STK11: variants seen among roughly 807,000 people sequenced by gnomAD.
The protein encoded by STK11 is serine/threonine kinase 11.
In STK11, 8 loss-of-function variants were observed where a neutral mutation model predicts 47.3. The observed-to-expected ratio is 0.17, with a 90% CI of 0.10 to 0.31. STK11 has a LOEUF of 0.31. STK11 is among the 10% of genes least tolerant of loss of function. STK11 has a pLI of 1.00. For synonymous variants in STK11, 330 were observed against 255.8 expected (o/e 1.29, Z -2.77); for missense variants, 475 against 605.0 (o/e 0.79, Z 2.25).
chr19:1,227,394 C>T (rs1357474339), intron 9 of STK11, 199 bp from the exon 10 acceptor site: 6 of 398,850 alleles, frequency 1.5e-5, no homozygotes, highest in East Asian at 1.3e-4. Context: ...CGTCAGAGCC[C>T]GCCAGGCCCC....
Position 1,220,361 on chromosome 19 carries a change from T to C in STK11, c.465-12T>C, listed in dbSNP as rs2145424063. 1 of 1,594,938 alleles carries C rather than the reference T, an allele frequency of 6.3e-7. No individual in the cohort carries two copies. The highest frequency in any genetic ancestry group is 8.5e-7 in the Non-Finnish European group (1 of 1,171,232). On this transcript the variant is annotated splice_polypyrimidine_tract_variant and intron_variant, in intron 3 of 9. Transcript: ENST00000326873. ...AGGCCTCGGCCCCAGGACGGGTGTGTGCTGCCCGCAGGTACTTCTGTCAGC... is the reference window on the plus strand; with the variant it reads ...AGGCCTCGGCCCCAGGACGGGTGTGCGCTGCCCGCAGGTACTTCTGTCAGC...
intron 8 of STK11, chr19:1,223,625 CCTT>C (rs1296123373): frequency 1.2e-5 from 13 of 1,069,240 alleles, no homozygotes; most frequent in African/African-American, 1.2e-4. Flanking sequence ...TGCCGGCCGC[CCTT>C]CTTCCCTAGG....
At chr19:1,222,382 G>A (rs541041053) in intron 7 of STK11, among the ~76,000 whole-genome samples, 1 of 152,274 alleles carries the variant, frequency 6.6e-6, no homozygotes, top group East Asian at 1.9e-4. Flanking sequence ...CCAGCTCCAT[G>A]ACAGGGAAGA....
At chr19:1,220,801 G>C (rs1186746279) in intron 5 of STK11, 84 bp downstream of exon 5, 2 of 1,518,764 alleles carry the variant, frequency 1.3e-6, no homozygotes, top group Admixed American at 4.1e-5. Flanking sequence ...GCCTGTGGGC[G>C]CAGGGCGTGG....
At position 1,228,128 on chromosome 19, in the gene STK11, G is replaced by C; in HGVS notation, c.*552G>C. ...CTGTGAGGGGTGTTTGGGAGCTGCT[G>C]GGTGGCAGGGGGGCTGTGGGGTCGG... On this transcript the variant is annotated 3_prime_UTR_variant, in exon 10 of 10. Coordinates refer to ENST00000326873, the MANE Select transcript of STK11 (RefSeq NM_000455.5). 1 of 1,065,436 alleles carries C rather than the reference G, an allele frequency of 9.4e-7. No individual in the cohort carries two copies. The highest frequency in any genetic ancestry group is 1.1e-6 in the Non-Finnish European group (1 of 879,264). 66.0% of individuals were successfully genotyped at this position (1,065,436 alleles called of 1,614,324 possible).
rs981506999 is a variant in STK11, at chr19:1,225,087, G to T, written c.1109-1367G>T. Reference sequence around the variant, plus strand: ...GCCAACACCCAGATCCCAGGGAAGGGGCTTGGGCTAGATCCTGGGCACCAG... The same window carrying T: ...GCCAACACCCAGATCCCAGGGAAGGTGCTTGGGCTAGATCCTGGGCACCAG... On this transcript the variant is annotated intron_variant, in intron 8 of 9. Transcript: ENST00000326873. 29 of 986,004 alleles carry T rather than the reference G, an allele frequency of 2.9e-5. No individual in the cohort carries two copies. In the African/African-American group the frequency reaches 4.9e-4, roughly 17 times the overall value. The allele number at this position is 986,004 out of a possible 1,614,324, so 61.1% of individuals were successfully genotyped here.
At position 1,227,727 on chromosome 19, in the gene STK11, G is replaced by C; in HGVS notation, c.*151G>C. 1 of 1,071,496 alleles carries C rather than the reference G, an allele frequency of 9.3e-7. No homozygotes were observed. The highest frequency in any genetic ancestry group is 1.6e-5 in the African/African-American group (1 of 61,224). The allele number at this position is 1,071,496 out of a possible 1,614,324, so 66.4% of individuals were successfully genotyped here. A position where few individuals can be genotyped will look rare whatever the true frequency, so the allele number is the denominator to read the frequency against. The stretch of plus-strand genomic sequence containing the variant: ...CCAGGACCTCCGGAGCGCCCTGCAG[G>C]GCCGGGCAGGGGGACAGCAGGGACC... On this transcript the variant is annotated 3_prime_UTR_variant, in exon 10 of 10. Coordinates refer to ENST00000326873, the MANE Select transcript of STK11 (RefSeq NM_000455.5).
In STK11 at chr19:1,226,699, G is replaced by A. The variant is rs887494844; in HGVS notation, c.*16+36G>A. ...GCGGGGCCCGGGTGGGGCATGTGGGGACAACGCCTGGATGCCACAGCCAGC... is the reference window on the plus strand; with the variant it reads ...GCGGGGCCCGGGTGGGGCATGTGGGAACAACGCCTGGATGCCACAGCCAGC... On this transcript the variant is annotated intron_variant, in intron 9 of 9. Transcript: ENST00000326873. The A allele has an allele frequency of 1.4e-5, 20 of 1,457,724 alleles. 2 individuals are homozygous for A. Among genetic ancestry groups the A allele is most frequent in the East Asian group, 7.5e-5 (3 of 39,738 alleles). The allele number at this position is 1,457,724 out of a possible 1,614,324, so 90.3% of individuals were successfully genotyped here.
intron 1 of STK11, among the ~76,000 whole-genome samples, chr19:1,210,944 C>G (rs574427715): frequency 1.4e-3 from 206 of 152,256 alleles, no homozygotes; most frequent in Middle Eastern, 6.8e-3. Context: ...GGTTTGATCA[C>G]AAGGTCAGAA....
intron 5 of STK11, 121 bp downstream of exon 5, chr19:1,220,838 C>G: frequency 2.8e-6 from 4 of 1,420,236 alleles, no homozygotes; most frequent in Non-Finnish European, 3.8e-6. Flanking sequence ...TCTCTGGCCA[C>G]AGCCGCTAGG....
chr19:1,226,744 A>T, intron 9 of STK11, 81 bp downstream of exon 9: 1 of 1,405,016 alleles, frequency 7.1e-7, no homozygotes, highest in Non-Finnish European at 9.3e-7. Context: ...AGCCCGCGCT[A>T]GTCAGTCATG....
At position 1,226,686 on chromosome 19, in the gene STK11, TG is replaced by T; in HGVS notation, c.*16+27del. 6.8e-7 allele frequency: 1 copy of T among 1,466,940 alleles called. No individual in the cohort carries two copies. Among genetic ancestry groups the T allele is most frequent in the Non-Finnish European group, 9.0e-7 (1 of 1,115,434 alleles). 90.9% of individuals were successfully genotyped at this position (1,466,940 alleles called of 1,614,324 possible). A position where few individuals can be genotyped will look rare whatever the true frequency, so the allele number is the denominator to read the frequency against. ...CAGGTGGGGCGCGGCGGGGCCCGGG[TG>T]GGGCATGTGGGGACAACGCCTGGAT... On this transcript the variant is annotated intron_variant, in intron 9 of 9. Transcript: ENST00000326873.
Position 1,206,232 on chromosome 19 carries a change from C to T in STK11, c.-682C>T, listed in dbSNP as rs966757526. 5 of 191,666 alleles carry T rather than the reference C, an allele frequency of 2.6e-5. No individual in the cohort carries two copies. The highest frequency in any genetic ancestry group is 6.2e-5 in the Admixed American group (1 of 16,254). The allele number at this position is 191,666 out of a possible 1,614,324, so 11.9% of individuals were successfully genotyped here. On this transcript the variant is annotated 5_prime_UTR_variant, in exon 1 of 10. Transcript: ENST00000326873. ...CTCGCGGGCGCCGGGCAGCGACCAG[C>T]CCTGAGCGGAGCTGTTGGCCGCGGC...
intron 3 of STK11, chr19:1,220,005 A>G (rs35369365): frequency 0.17 from 40,115 of 241,558 alleles, 4,025 homozygotes; most frequent in East Asian, 0.31. Flanking sequence ...TGCCCTGACC[A>G]GATCTCCTGG....
rs537526935 is a variant in STK11, at chr19:1,218,669, G to A, written c.374+169G>A. 7.8e-4 allele frequency among the ~76,000 whole-genome samples: 119 copies of A among 152,234 alleles called. 1 individual carries two copies. The highest frequency in any genetic ancestry group is 2.7e-3 in the African/African-American group (114 of 41,558). ...AGTCAGCCATTGTGGCAATGGCTGC[G>A]CAGCTTGCTGAAAGGGGCCCTGAGC... On this transcript the variant is annotated intron_variant, in intron 2 of 9. Transcript: ENST00000326873.
intron 1 of STK11, among the ~76,000 whole-genome samples, chr19:1,208,351 A>G (rs1599916589): frequency 1.6e-5 from 2 of 126,228 alleles, no homozygotes; most frequent in African/African-American, 6.1e-5. Context: ...TCTGTTCCCC[A>G]GGCTGGAGTG....
chr19:1,209,594 A>G (rs1050171194), intron 1 of STK11, among the ~76,000 whole-genome samples: 4 of 144,694 alleles, frequency 2.8e-5, no homozygotes, highest in African/African-American at 1.1e-4. Flanking sequence ...AAATAAATAA[A>G]TAAATAAATA....
rs180882362 is a variant in STK11, at chr19:1,216,413, C to T, written c.291-2004C>T. The T allele has an allele frequency of 1.3e-3, 214 of 164,448 alleles. 3 individuals carry two copies. Among genetic ancestry groups the T allele is most frequent in the Non-Finnish European group, 1.5e-4 (11 of 75,046 alleles). 10.2% of individuals were successfully genotyped at this position (164,448 alleles called of 1,614,324 possible). ...TGGCCAACATGGTGAAACCCCATCT[C>T]TACTAAAAATACAAAAATTAGCTGG... On this transcript the variant is annotated intron_variant, in intron 1 of 9. Coordinates refer to ENST00000326873, the MANE Select transcript of STK11 (RefSeq NM_000455.5).
chr19:1,222,921 G>C, intron 7 of STK11, 64 bp from the exon 8 acceptor site: 14 of 1,479,304 alleles, frequency 9.5e-6, no homozygotes, highest in Non-Finnish European at 1.2e-5. Flanking sequence ...AGAGGAGCTG[G>C]GTCGGAAAAC....
Sources: allele counts gnomAD v4.1 joint callset (sites outside exome capture counted in the v4.1 genomes callset), GRCh38; gene constraint gnomAD v4.1.1; transcripts MANE v1.5; gene names NCBI Gene and HGNC (gene_info 2026-07-23, HGNC 2026-07-21).